The following KLF17 variants were observed in gnomAD, a reference collection of about 807,000 sequenced individuals.
The protein encoded by KLF17 is KLF transcription factor 17.
A neutral mutation model predicts 34.2 loss-of-function variants in KLF17; 31 were observed. The observed-to-expected ratio is 0.91, with a 90% CI of 0.68 to 1.22. The LOEUF (loss-of-function observed/expected upper bound fraction) is 1.22. Ranked by LOEUF, KLF17 falls within the 50% of genes most tolerant of loss-of-function variation. The probability of loss-of-function intolerance (pLI) is 0.00; values close to 1 mark genes in which losing one functional copy is unlikely to be tolerated. For missense variants in KLF17, 478 were observed against 505.2 expected (o/e 0.95, Z 0.52); for synonymous variants, 179 against 186.7 (o/e 0.96, Z 0.34).
intron 1 of KLF17, among the ~76,000 whole-genome samples, chr1:44,126,560 A>G (rs1355632840): frequency 1.3e-5 from 2 of 148,168 alleles, no homozygotes; most frequent in Admixed American, 6.8e-5. Flanking sequence ...CTTGCTGAGG[A>G]TACAGGTTCC....
chr1:44,127,673 TC>T (rs1423379652), intron 1 of KLF17, among the ~76,000 whole-genome samples: 4 of 49,706 alleles, frequency 8.0e-5, no homozygotes, highest in Admixed American at 2.8e-4. Context: ...TTTCTTTCTT[TC>T]TTTCTTTCTT....
chr1:44,055,335 C>T, the KLF17 span, among the ~76,000 whole-genome samples: 6 of 152,132 alleles, frequency 3.9e-5, no homozygotes, highest in African/African-American at 1.4e-4. Context: ...TTCTCAGGGC[C>T]TCTGTCTTCC....
At chr1:44,122,329 C>G in intron 1 of KLF17, 1 of 1,602,644 alleles carries the variant, frequency 6.2e-7, no homozygotes, top group South Asian at 1.1e-5. Flanking sequence ...ATGTTATTTC[C>G]TCGAATACTC....
chr1:44,102,555 CACAT>C, the KLF17 span, among the ~76,000 whole-genome samples: 1 of 85,672 alleles, frequency 1.2e-5, no homozygotes, highest in Non-Finnish European at 2.5e-5. Context: ...CTCCATCACA[CACAT>C]ACACATACAC....
chr1:44,084,924 A>G, the KLF17 span, among the ~76,000 whole-genome samples: 1 of 134,678 alleles, frequency 7.4e-6, no homozygotes, highest in Non-Finnish European at 1.6e-5. Context: ...AAAAATAAAA[A>G]TTAGAAAAAA....
chr1:44,094,819 T>C, the KLF17 span, among the ~76,000 whole-genome samples: 1 of 152,304 alleles, frequency 6.6e-6, no homozygotes, highest in Non-Finnish European at 1.5e-5. Context: ...TGGCTTTTAC[T>C]GTTCTATGTC....
intron 1 of KLF17, among the ~76,000 whole-genome samples, chr1:44,127,683 T>TTTC (rs1228539836): frequency 8.3e-4 from 21 of 25,444 alleles, no homozygotes; most frequent in African/African-American, 1.6e-3. Flanking sequence ...TCTTTCTTTC[T>TTTC]TTCTTTCTTT....
chr1:44,106,128 AC>A, the KLF17 span, among the ~76,000 whole-genome samples: 1 of 151,806 alleles, frequency 6.6e-6, no homozygotes, highest in East Asian at 1.9e-4. Context: ...CAGGAAGTAC[AC>A]TCATCCTATT....
chr1:44,124,784 CT>C (rs947798421), intron 1 of KLF17, among the ~76,000 whole-genome samples: 1 of 152,146 alleles, frequency 6.6e-6, no homozygotes, highest in African/African-American at 2.4e-5. Flanking sequence ...GTGTGAGCTG[CT>C]GTGCCTGGCC....
the KLF17 span, among the ~76,000 whole-genome samples, chr1:44,092,515 T>C: frequency 6.6e-6 from 1 of 152,088 alleles, no homozygotes; most frequent in Admixed American, 6.6e-5. Context: ...ATTTCTACAT[T>C]TCCCCCCAAA....
chr1:44,058,667 CTTTTTTTTTTTTTTTT>C, the KLF17 span, among the ~76,000 whole-genome samples: 17 of 65,222 alleles, frequency 2.6e-4, 1 homozygote, highest in South Asian at 8.9e-4. Context: ...ATGGGAGGCC[CTTTTTTTTTTTTTTTT>C]TTTTTTTTTT....
At chr1:44,128,751 G>A (rs374844268) in intron 1 of KLF17, among the ~76,000 whole-genome samples, 2 of 152,104 alleles carry the variant, frequency 1.3e-5, no homozygotes, top group African/African-American at 4.8e-5. Context: ...GGTGGCTCAC[G>A]CCTGTAATCC....
the KLF17 span, among the ~76,000 whole-genome samples, chr1:44,079,806 C>T: frequency 1.8e-4 from 28 of 152,118 alleles, no homozygotes; most frequent in Non-Finnish European, 3.2e-4. Flanking sequence ...AACATCCTTC[C>T]CCTATTGTTC....
chr1:44,122,531 C>T, intron 1 of KLF17: 1 of 844,236 alleles, frequency 1.2e-6, no homozygotes. Flanking sequence ...TGCCATCACC[C>T]TTTGGGTCCG....
At chr1:44,117,965 T>C (rs1265681169), upstream of KLF17, among the ~76,000 whole-genome samples, 1 of 152,224 alleles carries the variant, frequency 6.6e-6, no homozygotes, top group African/African-American at 2.4e-5. Flanking sequence ...TTCCTTTCTA[T>C]GGTCTTCAAG....
the KLF17 span, among the ~76,000 whole-genome samples, chr1:44,113,072 T>C: frequency 1.3e-5 from 2 of 152,216 alleles, no homozygotes; most frequent in African/African-American, 2.4e-5. Context: ...GACATTCCCA[T>C]TTCTCATAGG....
chr1:44,124,583 C>T (rs1353175967), intron 1 of KLF17, among the ~76,000 whole-genome samples: 1 of 151,694 alleles, frequency 6.6e-6, no homozygotes, highest in Non-Finnish European at 1.5e-5. Flanking sequence ...CAGGCTCCGC[C>T]CCCGGGGTTC....
the KLF17 span, among the ~76,000 whole-genome samples, chr1:44,079,444 A>G: frequency 2.0e-5 from 3 of 151,680 alleles, no homozygotes; most frequent in Non-Finnish European, 4.4e-5. Context: ...CTATAGGCAC[A>G]TACCGCCACC....
rs1022359738 is a variant in KLF17 at position 44,134,744 on chromosome 1, G to A, written c.*1507G>A. ...ATTAGAGCAAGGATGTAAGGGAGAGGAAGGGACATAGCAGTATTTCAGGTG... is the reference window on the plus strand; with the variant it reads ...ATTAGAGCAAGGATGTAAGGGAGAGAAAGGGACATAGCAGTATTTCAGGTG... On this transcript the variant is annotated 3_prime_UTR_variant, in exon 4 of 4. Transcript: ENST00000372299. The A allele has an allele frequency of 3.3e-5, 5 of 152,310 alleles. No homozygotes were observed. Among genetic ancestry groups the A allele is most frequent in the African/African-American group, 9.7e-5 (4 of 41,448 alleles). 9.4% of individuals were successfully genotyped at this position (152,310 alleles called of 1,614,324 possible).
Sources: allele counts gnomAD v4.1 joint callset (sites outside exome capture counted in the v4.1 genomes callset), GRCh38; gene constraint gnomAD v4.1.1; transcripts MANE v1.5; gene names NCBI Gene and HGNC (gene_info 2026-07-23, HGNC 2026-07-21).